Variants in LRRC7 observed in about 807,000 individuals in gnomAD.
LRRC7 encodes the protein leucine-rich repeat-containing protein 7.
LRRC7 carries 23 observed loss-of-function variants against 175.7 expected under a neutral mutation model. The ratio of observed to expected loss-of-function variants is 0.13; its 90% CI spans 0.09 to 0.19. LRRC7 has a LOEUF of 0.19. LRRC7 is among the 10% of genes least tolerant of loss of function. LRRC7 has a pLI of 1.00. For synonymous variants in LRRC7, 685 were observed against 680.9 expected, an observed-to-expected ratio of 1.01 and a Z score of -0.09; for missense variants, 1,354 against 1,904.7, an observed-to-expected ratio of 0.71 and a Z score of 5.38.
intron 2 of LRRC7, among the ~76,000 whole-genome samples, chr1:69,713,918 A>T (rs767691351): frequency 3.3e-5 from 5 of 152,034 alleles, no homozygotes; most frequent in Non-Finnish European, 7.4e-5. Context: ...AAATTTACCC[A>T]GTAATCTTGC....
At chr1:69,584,756 A>T (rs1158273626) in intron 1 of LRRC7, among the ~76,000 whole-genome samples, 1 of 152,146 alleles carries the variant, frequency 6.6e-6, no homozygotes, top group Non-Finnish European at 1.5e-5. Context: ...CTTATGAGGC[A>T]TAGGAAAACA....
At position 69,910,829 on chromosome 1, in the gene LRRC7, T is replaced by C. The variant is rs560412436; in HGVS notation, c.648-20678T>C. On this transcript the variant is annotated intron_variant, in intron 7 of 26. Coordinates refer to ENST00000651989, the MANE Select transcript of LRRC7 (RefSeq NM_001370785.2). ...AGCCTACAGAGGCAGGCAGGCCTCC[T>C]TGAGCTGTGGTGGGCTCCACCCAGT... Among the ~76,000 whole-genome samples, 497 of 152,366 alleles carry C rather than the reference T, an allele frequency of 3.3e-3. 2 individuals are homozygous for C. Among genetic ancestry groups the C allele is most frequent in the African/African-American group, 0.011 (473 of 41,602 alleles).
At chr1:69,683,616 G>C (rs1271366609) in intron 2 of LRRC7, among the ~76,000 whole-genome samples, 1 of 152,000 alleles carries the variant, frequency 6.6e-6, no homozygotes, top group Non-Finnish European at 1.5e-5. Flanking sequence ...AGTTAACCTG[G>C]AAAGGAAGAG....
intron 1 of LRRC7, among the ~76,000 whole-genome samples, chr1:69,644,226 C>T (rs1175773396): frequency 2.8e-5 from 4 of 140,744 alleles, no homozygotes; most frequent in African/African-American, 8.0e-5. Context: ...TTTCCTCTAA[C>T]CTTTTTCAAT....
At chr1:69,999,926 A>G (rs938620112) in intron 11 of LRRC7, among the ~76,000 whole-genome samples, 1 of 152,148 alleles carries the variant, frequency 6.6e-6, no homozygotes, top group African/African-American at 2.4e-5. Flanking sequence ...TTACTGGCAC[A>G]CTGTGCTCTT....
chr1:69,952,761 G>A (rs1394416255), intron 8 of LRRC7, among the ~76,000 whole-genome samples: 1 of 151,958 alleles, frequency 6.6e-6, no homozygotes, highest in African/African-American at 2.4e-5. Flanking sequence ...ATTGTTAACA[G>A]TGACAATCTT....
At chr1:70,009,476 C>G (rs986656125) in intron 11 of LRRC7, among the ~76,000 whole-genome samples, 6 of 150,924 alleles carry the variant, frequency 4.0e-5, no homozygotes, top group African/African-American at 1.5e-4. Flanking sequence ...ATCCCAGCAA[C>G]ATAACCATCC....
intron 23 of LRRC7, among the ~76,000 whole-genome samples, chr1:70,053,968 CT>C (rs1660938989): frequency 6.6e-6 from 1 of 152,030 alleles, no homozygotes; most frequent in Non-Finnish European, 1.5e-5. Context: ...ATTAAGAAAT[CT>C]GAAAAATACA....
intron 5 of LRRC7, among the ~76,000 whole-genome samples, chr1:69,827,833 T>C (rs1041840496): frequency 2.6e-5 from 4 of 151,994 alleles, no homozygotes; most frequent in African/African-American, 9.7e-5. Context: ...AGTGAGACCC[T>C]GTCTCAAAAA....
chr1:69,882,010 C>CA (rs34756242), intron 7 of LRRC7, among the ~76,000 whole-genome samples: 108 of 123,054 alleles, frequency 8.8e-4, no homozygotes, highest in South Asian at 3.3e-3. Flanking sequence ...GACTGAATAG[C>CA]AAAAAAAAAA....
chr1:70,111,539 T>C (rs977153080), intron 26 of LRRC7, among the ~76,000 whole-genome samples: 3 of 152,296 alleles, frequency 2.0e-5, no homozygotes, highest in Non-Finnish European at 4.4e-5. Context: ...ATATTTGAAA[T>C]GACAGTTTTG....
intron 3 of LRRC7, among the ~76,000 whole-genome samples, chr1:69,768,099 T>C (rs931060219): frequency 6.6e-6 from 1 of 152,186 alleles, no homozygotes. Context: ...CAAAGGTGTT[T>C]TAGGCTGGTG....
At chr1:70,049,206 T>C (rs1013603386) in intron 22 of LRRC7, among the ~76,000 whole-genome samples, 2 of 152,162 alleles carry the variant, frequency 1.3e-5, no homozygotes, top group Admixed American at 6.6e-5. Flanking sequence ...CTATCTGTTT[T>C]ACTAAAGTTG....
At chr1:69,718,806 G>C (rs1239491016) in intron 2 of LRRC7, among the ~76,000 whole-genome samples, 4 of 151,778 alleles carry the variant, frequency 2.6e-5, no homozygotes, top group Non-Finnish European at 5.9e-5. Flanking sequence ...GAGGGCAACA[G>C]TGTTAAATGC....
intron 7 of LRRC7, chr1:69,919,712 C>G (rs1477148668): frequency 9.9e-7 from 1 of 1,013,992 alleles, no homozygotes; most frequent in Non-Finnish European, 1.5e-6. Context: ...CAGGGGAGAC[C>G]TGGGTGCCTT....
At chr1:69,710,923 A>G (rs576133648) in intron 2 of LRRC7, among the ~76,000 whole-genome samples, 6 of 152,270 alleles carry the variant, frequency 3.9e-5, no homozygotes, top group African/African-American at 1.2e-4. Context: ...GTTTATGAAG[A>G]CATTTATATA....
chr1:69,932,611 T>A (rs756571051), intron 8 of LRRC7, among the ~76,000 whole-genome samples: 1 of 152,240 alleles, frequency 6.6e-6, no homozygotes, highest in African/African-American at 2.4e-5. Flanking sequence ...AGTTGTTTAT[T>A]AAGGATGAAA....
intron 7 of LRRC7, among the ~76,000 whole-genome samples, chr1:69,890,367 T>C (rs1032756652): frequency 6.6e-6 from 1 of 152,222 alleles, no homozygotes. Context: ...CAGTATATTT[T>C]GAAAGGAATC....
intron 2 of LRRC7, among the ~76,000 whole-genome samples, chr1:69,715,606 C>T (rs1268154674): frequency 1.3e-5 from 2 of 151,910 alleles, no homozygotes; most frequent in Non-Finnish European, 2.9e-5. Flanking sequence ...CATATAATAA[C>T]TAACCAATGT....
Sources: allele counts gnomAD v4.1 joint callset (sites outside exome capture counted in the v4.1 genomes callset), GRCh38; gene constraint gnomAD v4.1.1; transcripts MANE v1.5; gene names NCBI Gene and HGNC (gene_info 2026-07-23, HGNC 2026-07-21).